USP44: variants seen among roughly 807,000 people sequenced by gnomAD.
USP44 encodes the protein ubiquitin carboxyl-terminal hydrolase 44.
Under a neutral mutation model 69.0 loss-of-function variants are expected in USP44, and 61 were observed. That is an observed-to-expected ratio of 0.88 (90% CI 0.72 to 1.09). The LOEUF (loss-of-function observed/expected upper bound fraction) is 1.09. Among genes scored for constraint, USP44 ranks in the 50% least tolerant of loss-of-function variants. The probability of loss-of-function intolerance (pLI) is 0.00; values close to 1 mark genes in which losing one functional copy is unlikely to be tolerated. For synonymous variants in USP44, 297 were observed against 295.4 expected (o/e 1.01, Z -0.06); for missense variants, 753 against 849.9 (o/e 0.89, Z 1.42).
At chr12:95,544,048 C>CTTTTTTT (rs1191045599) in intron 1 of USP44, among the ~76,000 whole-genome samples, 1 of 97,236 alleles carries the variant, frequency 1.0e-5, no homozygotes, top group African/African-American at 4.1e-5. Context: ...TTTTAGTTAT[C>CTTTTTTT]TTTTTTTTTT....
rs544276721 is a variant in USP44, at chr12:95,533,183, A to C, written c.1074T>G (p.Gly358=). 5 of 1,614,154 alleles carry C rather than the reference A, an allele frequency of 3.1e-6. No homozygotes were observed. The African/African-American group carries it at 6.7e-5, about 22-fold the overall frequency. The part of the protein sequence containing the change: ...RQSSLSSGLS[G]GASKGRKMEL... ...CCATCTTTCTACCTTTTGATGCTCC[A>C]CCACTTAGTCCTGATGACAGACTTG... The change falls in exon 2 of 6, where the codon GGT becomes GGG. Residue 358 remains glycine, a synonymous_variant. Coordinates refer to ENST00000258499, the MANE Select transcript of USP44 (RefSeq NM_032147.5).
In USP44 at chr12:95,533,838, A is replaced by C; in HGVS notation, c.419T>G (p.Leu140Arg). The change falls in exon 2 of 6, where the codon CTT (leucine) becomes CGT (arginine). Residue 140 changes from leucine to arginine, a missense_variant. Physicochemically the swap from Leu to Arg is moderately radical, Grantham distance 102 (BLOSUM62 -2). Coordinates refer to ENST00000258499, the MANE Select transcript of USP44 (RefSeq NM_032147.5). Reference sequence around the variant, plus strand: ...AGTATACAGTTGATCTTCACTTTGAAGCAGAGATTGGGCACCGTCATGTAA... The same window carrying C: ...AGTATACAGTTGATCTTCACTTTGACGCAGAGATTGGGCACCGTCATGTAA... ...YFLHDGAQSL[L>R]QSEDQLYTAL... 1 of 1,614,142 alleles carries C rather than the reference A, an allele frequency of 6.2e-7. No homozygotes were observed. Among genetic ancestry groups the C allele is most frequent in the Non-Finnish European group, 8.5e-7 (1 of 1,180,026 alleles).
At chr12:95,547,821 C>T (rs1379469723) in intron 1 of USP44, among the ~76,000 whole-genome samples, 2 of 152,164 alleles carry the variant, frequency 1.3e-5, no homozygotes, top group African/African-American at 2.4e-5. Context: ...GAGGACTGGT[C>T]TGAGGAGAAA....
intron 1 of USP44, among the ~76,000 whole-genome samples, chr12:95,545,587 CG>C (rs1266590839): frequency 1.5e-4 from 23 of 152,134 alleles, no homozygotes; most frequent in African/African-American, 5.6e-4. Flanking sequence ...CTTACCCACT[CG>C]TATAAGCAAT....
intron 2 of USP44, 48 bp downstream of exon 2, chr12:95,532,781 A>G (rs2077061810): frequency 1.3e-6 from 2 of 1,487,084 alleles, no homozygotes; most frequent in African/African-American, 2.8e-5. Flanking sequence ...TATAGGCTAC[A>G]CTTTATGAAC....
intron 5 of USP44, among the ~76,000 whole-genome samples, chr12:95,519,151 C>A (rs1215401322): frequency 1.3e-5 from 2 of 152,076 alleles, no homozygotes; most frequent in Non-Finnish European, 2.9e-5. Flanking sequence ...TGCCAAACCA[C>A]CAGACTGTCC....
chr12:95,537,341 C>CA (rs912128253), intron 1 of USP44, among the ~76,000 whole-genome samples: 9 of 152,142 alleles, frequency 5.9e-5, no homozygotes, highest in African/African-American at 2.2e-4. Flanking sequence ...TTTTTTGAGA[C>CA]AGAGTCTCAC....
At chr12:95,521,312 C>G in intron 4 of USP44, 110 bp from the exon 5 acceptor site, 1 of 969,344 alleles carries the variant, frequency 1.0e-6, no homozygotes, top group East Asian at 2.4e-5. Context: ...TACAAAGTAT[C>G]ATATGTAATA....
chr12:95,517,078 T>TTAGA lies in USP44; in HGVS notation c.*1072_*1075dup, dbSNP rs553787804. Reference sequence around the variant, plus strand: ...ACACTGTATTTTTTTTTGTGCAAGTTTAGATAGATAGCTTTTAGTTTTTTT... The same window carrying TTAGA: ...ACACTGTATTTTTTTTTGTGCAAGTTTAGATAGATAGATAGCTTTTAGTTTTTTT... On this transcript the variant is annotated 3_prime_UTR_variant, in exon 6 of 6. Transcript: ENST00000258499. 325 of 151,302 alleles carry TTAGA rather than the reference T, an allele frequency of 2.1e-3. 1 individual carries two copies. The highest frequency in any genetic ancestry group is 6.7e-3 in the African/African-American group (274 of 40,958). 9.4% of individuals were successfully genotyped at this position (151,302 alleles called of 1,614,324 possible). A position where few individuals can be genotyped will look rare whatever the true frequency, so the allele number is the denominator to read the frequency against.
At chr12:95,538,412 G>T (rs979569760) in intron 1 of USP44, among the ~76,000 whole-genome samples, 1 of 151,892 alleles carries the variant, frequency 6.6e-6, no homozygotes, top group Non-Finnish European at 1.5e-5. Context: ...CCTTCTAGTT[G>T]ATCACTTTTA....
At chr12:95,539,531 A>T (rs1208282622) in intron 1 of USP44, among the ~76,000 whole-genome samples, 1 of 152,166 alleles carries the variant, frequency 6.6e-6, no homozygotes, top group Non-Finnish European at 1.5e-5. Context: ...CGGCCCAATG[A>T]AATGGCTTTT....
At chr12:95,540,367 A>T (rs1234406797) in intron 1 of USP44, among the ~76,000 whole-genome samples, 4 of 138,856 alleles carry the variant, frequency 2.9e-5, no homozygotes, top group Non-Finnish European at 6.1e-5. Context: ...TTTTGAGTGA[A>T]GTTTCAGTGT....
At position 95,548,636 on chromosome 12, in the gene USP44, AC is replaced by A. The variant is rs2077654971; in HGVS notation, c.-71+2635del. On this transcript the variant is annotated intron_variant, in intron 1 of 5. Transcript: ENST00000258499. The surrounding 1 kb of genome is among the most constrained non-coding windows in gnomAD (Gnocchi z 4.1). ...AGCCCCAGGCTCTCCCTCTCTCAGGACCCCCCAGCGCCCTGCGCGGCGAGAA... is the reference window on the plus strand; with the variant it reads ...AGCCCCAGGCTCTCCCTCTCTCAGGACCCCCAGCGCCCTGCGCGGCGAGAA... 1 of 150,564 alleles carries A rather than the reference AC, an allele frequency of 6.6e-6. No homozygotes were observed. Among genetic ancestry groups the A allele is most frequent in the Non-Finnish European group, 1.5e-5 (1 of 67,836 alleles). 9.3% of individuals were successfully genotyped at this position (150,564 alleles called of 1,614,324 possible).
intron 3 of USP44, among the ~76,000 whole-genome samples, chr12:95,528,504 GCTTTC>G (rs2076922293): frequency 6.6e-6 from 1 of 152,108 alleles, no homozygotes; most frequent in Non-Finnish European, 1.5e-5. Context: ...TACATGACAT[GCTTTC>G]CTTTCATTAT....
chr12:95,533,972 C>A lies in USP44; in HGVS notation c.285G>T (p.Leu95=). Residue 95 remains leucine (L), a synonymous_variant, in exon 2 of 6, where the codon CTG becomes CTT. Transcript: ENST00000258499. Reference sequence around the variant, plus strand: ...CACTTAATGTACGTCGTAGTAACTTCAGGTCTCCAGTTGTGTTATCATTCA... The same window carrying A: ...CACTTAATGTACGTCGTAGTAACTTAAGGTCTCCAGTTGTGTTATCATTCA... ...YVLNDNTTGD[L]KLLRRTLSAI... is the part of the protein sequence containing the mutation. 1 of 1,614,164 alleles carries A rather than the reference C, an allele frequency of 6.2e-7. No homozygotes were observed. The highest frequency in any genetic ancestry group is 8.5e-7 in the Non-Finnish European group (1 of 1,180,020).
At chr12:95,550,188 A>G (rs1256244713) in intron 1 of USP44, among the ~76,000 whole-genome samples, 7 of 151,218 alleles carry the variant, frequency 4.6e-5, no homozygotes, top group Non-Finnish European at 7.4e-5. Context: ...TCTCAGAAAA[A>G]AAAAAAAAAA....
rs2076520726 is a variant in USP44 at position 95,517,757 on chromosome 12, CTA to C, written c.*395_*396del. On this transcript the variant is annotated 3_prime_UTR_variant, in exon 6 of 6. Coordinates refer to ENST00000258499, the MANE Select transcript of USP44 (RefSeq NM_032147.5). ...GTAACTTCAATATACAAATGAAAGA[CTA>C]TTAGTGACCAAAGTAGAGTCTAATT... 1 of 167,204 alleles carries C rather than the reference CTA, an allele frequency of 6.0e-6. No homozygotes were observed. Among genetic ancestry groups the C allele is most frequent in the African/African-American group, 2.4e-5 (1 of 41,676 alleles). 10.4% of individuals were successfully genotyped at this position (167,204 alleles called of 1,614,324 possible). A position where few individuals can be genotyped will look rare whatever the true frequency, so the allele number is the denominator to read the frequency against.
rs150860063 is a variant in USP44, at chr12:95,518,624, T to C, written c.1940-271A>G. ...TACCAGTTAATGCTTTTGCCACTAA[T>C]CATACAGGATGATCATCCCTAATTC... On this transcript the variant is annotated intron_variant, in intron 5 of 5. Coordinates refer to ENST00000258499, the MANE Select transcript of USP44 (RefSeq NM_032147.5). Among the ~76,000 whole-genome samples the C allele has an allele frequency of 3.3e-5, 5 of 152,284 alleles. No individual in the cohort carries two copies. The East Asian group carries it at 9.6e-4, about 29-fold the overall frequency.
intron 4 of USP44, among the ~76,000 whole-genome samples, chr12:95,523,689 C>CAAAAAAAAAAAAAAAA (rs927669685): frequency 1.1e-5 from 1 of 89,200 alleles, no homozygotes; most frequent in Non-Finnish European, 2.4e-5. Context: ...CTGTCTCTAC[C>CAAAAAAAAAAAAAAAA]AAAAAAAAAA....
Sources: allele counts gnomAD v4.1 joint callset (sites outside exome capture counted in the v4.1 genomes callset), GRCh38; gene constraint gnomAD v4.1.1; non-coding constraint Gnocchi (gnomAD v3.1); transcripts MANE v1.5; gene names NCBI Gene and HGNC (gene_info 2026-07-23, HGNC 2026-07-21).